ROR1: variants seen among roughly 807,000 people sequenced by gnomAD.
ROR1 encodes the protein ROR family WNT receptor 1.
Under a neutral mutation model 78.8 loss-of-function variants are expected in ROR1, and 19 were observed. The observed-to-expected ratio is 0.24, with a 90% CI of 0.17 to 0.35. The LOEUF is 0.35. ROR1 is among the 10% of genes least tolerant of loss of function. The probability of loss-of-function intolerance (pLI) is 1.00; values close to 1 mark genes in which losing one functional copy is unlikely to be tolerated. For synonymous variants in ROR1, 386 were observed against 433.6 expected, an observed-to-expected ratio of 0.89 and a Z score of 1.36; for missense variants, 917 against 1,177.8, an observed-to-expected ratio of 0.78 and a Z score of 3.24.
At chr1:64,122,310 G>GC (rs1377671566) in intron 4 of ROR1, among the ~76,000 whole-genome samples, 1 of 152,152 alleles carries the variant, frequency 6.6e-6, no homozygotes, top group Non-Finnish European at 1.5e-5. Flanking sequence ...GAACTAATTG[G>GC]CCCTTTCTCT....
In ROR1 at chr1:64,178,464, C is replaced by T. The variant is rs551069295; in HGVS notation, c.2423C>T (p.Pro808Leu). The change falls in exon 9 of 9, where the codon CCG becomes CTG. Residue 808 changes from proline (P) to leucine (L), a missense_variant. Around this residue, in one of 3 missense-constraint regions of ROR1, gnomAD observed 835 missense variants for 1,069.8 expected, o/e 0.78. Transcript: ENST00000371079. The surrounding 1 kb of genome is among the most constrained non-coding windows in gnomAD (Gnocchi z 4.3). ...PQGQIAGFIG[P>L]PIPQNQRFIP... ...GGCCAGATTGCTGGTTTCATTGGCCCGCCAATACCTCAGAACCAGCGATTC... is the reference window on the plus strand; with the variant it reads ...GGCCAGATTGCTGGTTTCATTGGCCTGCCAATACCTCAGAACCAGCGATTC... 1.5e-5 allele frequency: 25 copies of T among 1,614,174 alleles called. No homozygotes were observed. Among genetic ancestry groups the T allele is most frequent in the Admixed American group, 3.3e-5 (2 of 60,036 alleles).
intron 1 of ROR1, among the ~76,000 whole-genome samples, chr1:63,896,612 G>A (rs576438319): frequency 1.3e-5 from 2 of 152,256 alleles, no homozygotes; most frequent in Admixed American, 6.5e-5. Flanking sequence ...TGATATTGGC[G>A]AAGCACCGGA....
intron 1 of ROR1, among the ~76,000 whole-genome samples, chr1:63,840,871 T>G (rs999112468): frequency 6.6e-6 from 1 of 152,196 alleles, no homozygotes; most frequent in African/African-American, 2.4e-5. Flanking sequence ...ATACTATTCA[T>G]TCATAGGTTT....
chr1:63,871,589 G>A (rs551288558), intron 1 of ROR1, among the ~76,000 whole-genome samples: 17 of 152,200 alleles, frequency 1.1e-4, no homozygotes, highest in Non-Finnish European at 8.8e-5. Context: ...AATGGAAACC[G>A]GTTTCTCTAC....
In ROR1 at chr1:63,774,318, C is replaced by T; in HGVS notation, c.-100C>T. 1.4e-6 allele frequency: 1 copy of T among 697,440 alleles called. No homozygotes were observed. The highest frequency in any genetic ancestry group is 2.1e-6 in the Non-Finnish European group (1 of 484,316). The allele number at this position is 697,440 out of a possible 1,614,324, so 43.2% of individuals were successfully genotyped here. A position where few individuals can be genotyped will look rare whatever the true frequency, so the allele number is the denominator to read the frequency against. On this transcript the variant is annotated 5_prime_UTR_variant, in exon 1 of 9. Transcript: ENST00000371079. The surrounding 1 kb of genome is among the most constrained non-coding windows in gnomAD (Gnocchi z 5.7). ...GACGTCCCCGGCGTCCTGCGAGCGC[C>T]AGCGGCCGGGACGAGGCGGCCGGGA...
chr1:63,825,280 G>A (rs1301133502), intron 1 of ROR1, among the ~76,000 whole-genome samples: 1 of 152,146 alleles, frequency 6.6e-6, no homozygotes, highest in East Asian at 1.9e-4. Context: ...CAACCTAAAT[G>A]TTCATCAACT....
At chr1:63,860,110 T>A (rs1645170764) in intron 1 of ROR1, among the ~76,000 whole-genome samples, 1 of 152,188 alleles carries the variant, frequency 6.6e-6, no homozygotes, top group South Asian at 2.1e-4. Context: ...TGTCCAGACA[T>A]GTTACGATTC....
At chr1:64,009,190 G>C (rs1646455178) in intron 1 of ROR1, 115 bp from the exon 2 acceptor site, 2 of 782,830 alleles carry the variant, frequency 2.6e-6, no homozygotes. Context: ...GATTGCCGTG[G>C]TCTCTCTCCA....
chr1:64,054,475 G>A (rs1361708428), intron 4 of ROR1, among the ~76,000 whole-genome samples: 6 of 152,020 alleles, frequency 3.9e-5, no homozygotes. Context: ...ATTTTAATTT[G>A]GAGAAACTTC....
At chr1:63,872,371 C>T (rs142895166) in intron 1 of ROR1, among the ~76,000 whole-genome samples, 43 of 152,176 alleles carry the variant, frequency 2.8e-4, no homozygotes, top group African/African-American at 9.4e-4. Flanking sequence ...TATATTTAGG[C>T]CTGAGCCCAG....
intron 4 of ROR1, among the ~76,000 whole-genome samples, chr1:64,053,490 CT>C (rs1557629175): frequency 6.6e-6 from 1 of 152,186 alleles, no homozygotes; most frequent in African/African-American, 2.4e-5. Context: ...TTCATTTCTT[CT>C]GTCATTGCTG....
chr1:64,021,010 C>G (rs1038443009), intron 2 of ROR1, among the ~76,000 whole-genome samples: 1 of 145,406 alleles, frequency 6.9e-6, no homozygotes, highest in African/African-American at 2.5e-5. Flanking sequence ...TGGGTTTATT[C>G]TGTCAAATGC....
chr1:64,142,245 G>A (rs1278974867), intron 6 of ROR1, among the ~76,000 whole-genome samples, 160 bp from the exon 7 acceptor site: 1 of 152,200 alleles, frequency 6.6e-6, no homozygotes, highest in Non-Finnish European at 1.5e-5. Context: ...TCCAAGCCCA[G>A]CAAAGCAGGG....
chr1:63,973,125 C>T (rs11803985), intron 1 of ROR1, among the ~76,000 whole-genome samples: 3,828 of 152,322 alleles, frequency 0.025, 167 homozygotes, highest in African/African-American at 0.088. Context: ...CAATACTCCA[C>T]CTCTTTGCCC....
At chr1:63,818,561 G>A (rs963448415) in intron 1 of ROR1, among the ~76,000 whole-genome samples, 4 of 152,146 alleles carry the variant, frequency 2.6e-5, no homozygotes, top group African/African-American at 9.7e-5. Flanking sequence ...ATGGCCTGAT[G>A]GGAAGTAATT....
rs550946337 is a variant in ROR1 at position 64,006,167 on chromosome 1, A to G, written c.92-3138A>G. Among the ~76,000 whole-genome samples, 7 of 152,330 alleles carry G rather than the reference A, an allele frequency of 4.6e-5. No homozygotes were observed. In the East Asian group the frequency reaches 1.4e-3, roughly 29 times the overall value. On this transcript the variant is annotated intron_variant, in intron 1 of 8. Coordinates refer to ENST00000371079, the MANE Select transcript of ROR1 (RefSeq NM_005012.4). Reference sequence around the variant, plus strand: ...AATTAACACTGTAAAATGAAACTATATTTCTGGCTGTGAGCAGCAGTAAGA... The same window carrying G: ...AATTAACACTGTAAAATGAAACTATGTTTCTGGCTGTGAGCAGCAGTAAGA...
chr1:64,037,710 C>G (rs1295154721), intron 2 of ROR1, among the ~76,000 whole-genome samples: 3 of 152,176 alleles, frequency 2.0e-5, no homozygotes, highest in Non-Finnish European at 4.4e-5. Flanking sequence ...TGCTAGCAAT[C>G]CTGCTGGAGG....
rs1210150102 is a variant in ROR1 at position 63,869,193 on chromosome 1, A to G, written c.91+94685A>G. Among the ~76,000 whole-genome samples, 3 of 152,220 alleles carry G rather than the reference A, an allele frequency of 2.0e-5. No homozygotes were observed. The East Asian group carries it at 5.8e-4, about 29-fold the overall frequency. On this transcript the variant is annotated intron_variant, in intron 1 of 8. Coordinates refer to ENST00000371079, the MANE Select transcript of ROR1 (RefSeq NM_005012.4). ...TTTTTGGAACCATGAAAGCCTAGAG[A>G]TGTTATGGCAGGATGTCCCTAATAT... is the stretch of plus-strand genomic sequence containing the variant.
intron 4 of ROR1, among the ~76,000 whole-genome samples, chr1:64,087,324 A>C (rs1198169630): frequency 5.3e-5 from 8 of 152,246 alleles, no homozygotes; most frequent in Non-Finnish European, 1.2e-4. Context: ...TGGAAGGTTC[A>C]CACCTGTTTG....
Sources: allele counts gnomAD v4.1 joint callset (sites outside exome capture counted in the v4.1 genomes callset), GRCh38; gene constraint gnomAD v4.1.1; regional missense constraint gnomAD v4.1.1; non-coding constraint Gnocchi (gnomAD v3.1); transcripts MANE v1.5; gene names NCBI Gene and HGNC (gene_info 2026-07-23, HGNC 2026-07-21).